PACRG: variants seen among roughly 807,000 people sequenced by gnomAD.
PACRG encodes parkin coregulated gene protein.
Under a neutral mutation model 29.7 loss-of-function variants are expected in PACRG, and 29 were observed. The observed-to-expected ratio is 0.98, with a 90% CI of 0.73 to 1.33. The LOEUF is 1.33. Ranked by LOEUF, PACRG falls within the 40% of genes most tolerant of loss-of-function variation. PACRG has a pLI of 0.00. For synonymous variants in PACRG, 116 were observed against 118.7 expected (o/e 0.98, Z 0.15); for missense variants, 279 against 316.2 (o/e 0.88, Z 0.89).
intron 2 of PACRG, among the ~76,000 whole-genome samples, chr6:162,879,123 A>G (rs1382433232): frequency 6.6e-6 from 1 of 152,144 alleles, no homozygotes; most frequent in African/African-American, 2.4e-5. Context: ...TTAACCCCCC[A>G]TGTAATTCTC....
chr6:163,013,290 A>C (rs1051610508), intron 2 of PACRG, among the ~76,000 whole-genome samples: 1 of 151,862 alleles, frequency 6.6e-6, no homozygotes, highest in South Asian at 2.1e-4. Context: ...TTATTTATTT[A>C]TTTTGGTAGC....
At chr6:163,152,801 C>A (rs571272464) in intron 4 of PACRG, among the ~76,000 whole-genome samples, 14 of 152,288 alleles carry the variant, frequency 9.2e-5, no homozygotes, top group South Asian at 2.1e-4. Flanking sequence ...TTTTATATGT[C>A]AATGCAGGCT....
At chr6:163,144,337 C>CAT (rs1432724308) in intron 4 of PACRG, among the ~76,000 whole-genome samples, 1 of 103,624 alleles carries the variant, frequency 9.7e-6, no homozygotes, top group African/African-American at 4.9e-5. Context: ...CACACATACA[C>CAT]ACACATACAT....
intron 2 of PACRG, among the ~76,000 whole-genome samples, chr6:163,003,141 G>A (rs1562821556): frequency 6.6e-6 from 1 of 152,164 alleles, no homozygotes. Flanking sequence ...GCCAATCGAT[G>A]TTTATTATCT....
chr6:163,097,523 A>G (rs1428515025), intron 4 of PACRG, among the ~76,000 whole-genome samples: 2 of 152,252 alleles, frequency 1.3e-5, no homozygotes, highest in Admixed American at 6.5e-5. Context: ...ATGGGTGACC[A>G]TGACCCAGGG....
chr6:163,158,651 C>T (rs1401784868), intron 4 of PACRG, among the ~76,000 whole-genome samples: 1 of 151,908 alleles, frequency 6.6e-6, no homozygotes, highest in Non-Finnish European at 1.5e-5. Context: ...AAAATATAAC[C>T]CTGAGTTTCA....
At chr6:163,070,771 TAA>T (rs201411698) in intron 3 of PACRG, among the ~76,000 whole-genome samples, 2 of 142,030 alleles carry the variant, frequency 1.4e-5, no homozygotes, top group Admixed American at 7.0e-5. Context: ...TGAATTGATT[TAA>T]AAAAAAAAAA....
intron 4 of PACRG, among the ~76,000 whole-genome samples, chr6:163,284,958 T>C (rs1421824284): frequency 6.6e-6 from 1 of 152,188 alleles, no homozygotes; most frequent in African/African-American, 2.4e-5. Flanking sequence ...ACCAAGCCAC[T>C]ATCATCACAT....
chr6:162,874,618 C>T (rs986646238), intron 2 of PACRG, among the ~76,000 whole-genome samples: 16 of 152,144 alleles, frequency 1.1e-4, no homozygotes, highest in Non-Finnish European at 2.2e-4. Context: ...CTGATGGACA[C>T]CCCCCAATGT....
chr6:163,021,837 G>A (rs1562839555), intron 2 of PACRG, among the ~76,000 whole-genome samples: 2 of 152,316 alleles, frequency 1.3e-5, no homozygotes, highest in South Asian at 2.1e-4. Flanking sequence ...AGGCACTGTC[G>A]TTTCCTCAGG....
In PACRG at chr6:162,813,068, T is replaced by A. The variant is rs181177537; in HGVS notation, c.157-1079T>A. ...ATTTCAAATATAATCCTTTTATATA[T>A]GTATTAGATACAATGTATTTTTCAT... is the stretch of plus-strand genomic sequence containing the variant. On this transcript the variant is annotated intron_variant, in intron 1 of 4. Coordinates refer to ENST00000366888, the MANE Select transcript of PACRG (RefSeq NM_001080379.2). Among the ~76,000 whole-genome samples the A allele has an allele frequency of 6.0e-4, 91 of 152,168 alleles. 1 individual carries two copies. The highest frequency in any genetic ancestry group is 5.0e-3 in the South Asian group (24 of 4,830).
At chr6:163,101,506 G>T (rs1368067265) in intron 4 of PACRG, 2 of 769,362 alleles carry the variant, frequency 2.6e-6, no homozygotes, top group East Asian at 2.6e-4. Flanking sequence ...AGCATATTTT[G>T]TCCTTCCAAA....
At chr6:163,186,699 G>A (rs910685474) in intron 4 of PACRG, among the ~76,000 whole-genome samples, 1 of 152,174 alleles carries the variant, frequency 6.6e-6, no homozygotes, top group African/African-American at 2.4e-5. Flanking sequence ...GCGCTCCCTG[G>A]CCCCATCTCA....
chr6:162,826,683 G>A (rs1023696718), intron 2 of PACRG, among the ~76,000 whole-genome samples: 3 of 151,926 alleles, frequency 2.0e-5, no homozygotes, highest in East Asian at 1.9e-4. Flanking sequence ...GGCTGGTCTC[G>A]AACTCCTGAC....
intron 4 of PACRG, among the ~76,000 whole-genome samples, chr6:163,217,415 C>G (rs560271410): frequency 6.6e-6 from 1 of 152,342 alleles, no homozygotes; most frequent in Admixed American, 6.5e-5. Flanking sequence ...AAGCCCACGT[C>G]CACGCAGTCT....
At position 163,283,771 on chromosome 6, in the gene PACRG, G is replaced by A. The variant is rs1030627774; in HGVS notation, c.614-31056G>A. Reference sequence around the variant, plus strand: ...AGCCGAGATTGTGCCACTGCAGTCCGCAGTCCGGCCTGGGCGACAGAGCGA... The same window carrying A: ...AGCCGAGATTGTGCCACTGCAGTCCACAGTCCGGCCTGGGCGACAGAGCGA... On this transcript the variant is annotated intron_variant, in intron 4 of 4. Coordinates refer to ENST00000366888, the MANE Select transcript of PACRG (RefSeq NM_001080379.2). Among the ~76,000 whole-genome samples, 8 of 142,334 alleles carry A rather than the reference G, an allele frequency of 5.6e-5. 1 individual carries two copies. Among genetic ancestry groups the A allele is most frequent in the East Asian group, 4.3e-4 (2 of 4,662 alleles). 93.4% of individuals were successfully genotyped at this position (142,334 alleles called of 152,430 possible). A position where few individuals can be genotyped will look rare whatever the true frequency, so the allele number is the denominator to read the frequency against.
At chr6:163,300,870 G>A (rs112032043) in intron 4 of PACRG, among the ~76,000 whole-genome samples, 5 of 151,454 alleles carry the variant, frequency 3.3e-5, no homozygotes, top group Non-Finnish European at 7.4e-5. Flanking sequence ...CACGTCCACT[G>A]CTTCCCATGA....
intron 4 of PACRG, among the ~76,000 whole-genome samples, chr6:163,137,822 G>A (rs1816997443): frequency 6.6e-6 from 1 of 152,220 alleles, no homozygotes; most frequent in Admixed American, 6.5e-5. Context: ...CCCACAGCCC[G>A]GCCTGGCGCC....
intron 4 of PACRG, among the ~76,000 whole-genome samples, chr6:163,156,753 C>T (rs1778336740): frequency 6.6e-6 from 1 of 152,180 alleles, no homozygotes; most frequent in South Asian, 2.1e-4. Context: ...GCTGGAAAGC[C>T]TGTTTCCTGG....
Sources: allele counts gnomAD v4.1 joint callset (sites outside exome capture counted in the v4.1 genomes callset), GRCh38; gene constraint gnomAD v4.1.1; transcripts MANE v1.5; gene names NCBI Gene and HGNC (gene_info 2026-07-23, HGNC 2026-07-21).